VSTM4: variants seen among roughly 807,000 people sequenced by gnomAD.
VSTM4 encodes the protein V-set and transmembrane domain containing 4.
VSTM4 carries 20 observed loss-of-function variants against 36.4 expected under a neutral mutation model. That is an observed-to-expected ratio of 0.55 (90% CI 0.39 to 0.80). The LOEUF (loss-of-function observed/expected upper bound fraction) is 0.80. Among genes scored for constraint, VSTM4 ranks in the 30% least tolerant of loss-of-function variants. VSTM4 has a pLI of 0.00. For missense variants in VSTM4, 392 were observed against 404.5 expected (o/e 0.97, Z 0.26); for synonymous variants, 182 against 173.9 (o/e 1.05, Z -0.37).
chr10:49,038,282 A>G (rs1843464230), intron 7 of VSTM4, among the ~76,000 whole-genome samples: 1 of 152,244 alleles, frequency 6.6e-6, no homozygotes, highest in South Asian at 2.1e-4. Flanking sequence ...AGGCCTTAAG[A>G]AGAATGAAAA....
chr10:49,096,321 A>G (rs1463370601), intron 2 of VSTM4, among the ~76,000 whole-genome samples: 1 of 152,226 alleles, frequency 6.6e-6, no homozygotes, highest in African/African-American at 2.4e-5. Flanking sequence ...CTTTGCCCCC[A>G]CATACTTTTA....
Position 49,017,451 on chromosome 10 carries a change from G to A in VSTM4, c.*2199C>T, listed in dbSNP as rs1318040216. ...TTCATGCAGTGATGACCACAGTTTG[G>A]GAGAAAGAGGCTGGATTCAATCTAT... On this transcript the variant is annotated 3_prime_UTR_variant, in exon 8 of 8. Coordinates refer to ENST00000332853, the MANE Select transcript of VSTM4 (RefSeq NM_001031746.5). 1 of 152,244 alleles carries A rather than the reference G, an allele frequency of 6.6e-6. No individual in the cohort carries two copies. Among genetic ancestry groups the A allele is most frequent in the Non-Finnish European group, 1.5e-5 (1 of 68,054 alleles). The allele number at this position is 152,244 out of a possible 1,614,324, so 9.4% of individuals were successfully genotyped here. A position where few individuals can be genotyped will look rare whatever the true frequency, so the allele number is the denominator to read the frequency against.
chr10:49,100,685 C>A (rs1393235648), intron 2 of VSTM4, among the ~76,000 whole-genome samples: 1 of 151,956 alleles, frequency 6.6e-6, no homozygotes, highest in East Asian at 1.9e-4. Context: ...AACAAAGTAA[C>A]CTAAGAAGCC....
rs763815733 is a variant in VSTM4 at position 49,077,245 on chromosome 10, G to A, written c.608C>T (p.Ser203Phe). ...LLFMLVIVWQ[S>F]VFNKRKSRVR... ...TCTGGATTTCCGCTTGTTAAACACAGACTGCCAGACGATGACCAGCATGAA... is the reference window on the plus strand; with the variant it reads ...TCTGGATTTCCGCTTGTTAAACACAAACTGCCAGACGATGACCAGCATGAA... The change falls in exon 4 of 8, where the codon TCT becomes TTT. Residue 203 changes from serine to phenylalanine, a missense_variant. By Grantham distance (155) the Ser-to-Phe change is radical. Transcript: ENST00000332853. 1.2e-6 allele frequency: 2 copies of A among 1,614,102 alleles called. No individual in the cohort carries two copies.
At chr10:49,084,709 C>G (rs1844339169) in intron 3 of VSTM4, among the ~76,000 whole-genome samples, 1 of 152,250 alleles carries the variant, frequency 6.6e-6, no homozygotes, top group Admixed American at 6.5e-5. Flanking sequence ...TCCTGACCAC[C>G]TTTGAACATT....
intron 2 of VSTM4, among the ~76,000 whole-genome samples, chr10:49,105,859 CTT>C (rs1388567383): frequency 2.1e-5 from 3 of 145,080 alleles, no homozygotes; most frequent in East Asian, 1.9e-4. Context: ...ATATATATAT[CTT>C]GTGTGTATAT....
chr10:49,048,334 G>A, intron 6 of VSTM4, 144 bp downstream of exon 6: 2 of 695,590 alleles, frequency 2.9e-6, no homozygotes, highest in African/African-American at 1.9e-5. Flanking sequence ...AATCTAGGTG[G>A]GGGTCCAGAC....
intron 3 of VSTM4, among the ~76,000 whole-genome samples, chr10:49,085,113 G>C (rs1280932277): frequency 6.6e-6 from 1 of 152,236 alleles, no homozygotes; most frequent in African/African-American, 2.4e-5. Flanking sequence ...TTAAACCCCG[G>C]ATTTCTTGGG....
intron 7 of VSTM4, among the ~76,000 whole-genome samples, chr10:49,038,953 C>T (rs1590077225): frequency 6.6e-6 from 1 of 152,090 alleles, no homozygotes; most frequent in East Asian, 1.9e-4. Context: ...TAAAAGCAGT[C>T]AACCAGAGGG....
chr10:49,092,205 G>A (rs534165418), intron 2 of VSTM4, among the ~76,000 whole-genome samples: 2 of 152,184 alleles, frequency 1.3e-5, no homozygotes, highest in Non-Finnish European at 2.9e-5. Context: ...TTAAAACGAA[G>A]ACTCCCAGGC....
In VSTM4 at chr10:49,101,060, C is replaced by T. The variant is rs1010673848; in HGVS notation, c.457+6534G>A. On this transcript the variant is annotated intron_variant, in intron 2 of 7. Transcript: ENST00000332853. The stretch of plus-strand genomic sequence containing the variant: ...TAAAGGAGTAAAGCTTTCTTTTAAT[C>T]ATCTAAAAATATTAAAGAAAAATAT... Among the ~76,000 whole-genome samples the T allele has an allele frequency of 2.4e-4, 37 of 152,026 alleles. 1 individual carries two copies. The highest frequency in any genetic ancestry group is 5.2e-4 in the Admixed American group (8 of 15,276).
At chr10:49,027,632 A>G (rs1276946144) in intron 7 of VSTM4, among the ~76,000 whole-genome samples, 1 of 152,092 alleles carries the variant, frequency 6.6e-6, no homozygotes, top group Non-Finnish European at 1.5e-5. Context: ...CCTGGCAACC[A>G]CAGATCTGTC....
At chr10:49,082,177 C>A (rs770598910) in intron 3 of VSTM4, among the ~76,000 whole-genome samples, 1 of 152,210 alleles carries the variant, frequency 6.6e-6, no homozygotes, top group East Asian at 1.9e-4. Context: ...AATGCCCGCC[C>A]AGTGGTGCCA....
Position 49,056,762 on chromosome 10 carries a change from C to T in VSTM4, c.668+7941G>A, listed in dbSNP as rs78377062. 5.7e-3 allele frequency among the ~76,000 whole-genome samples: 872 copies of T among 152,378 alleles called. 2 individuals are homozygous for T. The highest frequency in any genetic ancestry group is 7.9e-3 in the Non-Finnish European group (536 of 68,040). On this transcript the variant is annotated intron_variant, in intron 5 of 7. Coordinates refer to ENST00000332853, the MANE Select transcript of VSTM4 (RefSeq NM_001031746.5). ...GTTAAGTGAGCTGCAAGATTCCTCC[C>T]TGGACAAGACATTCTGAGCCGTCTT... is the stretch of plus-strand genomic sequence containing the variant.
intron 1 of VSTM4, among the ~76,000 whole-genome samples, chr10:49,109,264 G>T (rs1046274417): frequency 6.6e-6 from 1 of 152,294 alleles, no homozygotes; most frequent in African/African-American, 2.4e-5. Flanking sequence ...GGGCAGTGCT[G>T]CAGGGAAGCA....
intron 7 of VSTM4, among the ~76,000 whole-genome samples, chr10:49,040,711 A>G (rs538959139): frequency 6.6e-6 from 1 of 152,362 alleles, no homozygotes; most frequent in East Asian, 1.9e-4. Context: ...CCCACTTGTT[A>G]ACGGCTTGGG....
At chr10:49,103,840 C>A (rs1376808993) in intron 2 of VSTM4, 1 of 1,614,076 alleles carries the variant, frequency 6.2e-7, no homozygotes. Flanking sequence ...GCTCCCCTCT[C>A]CACTGGATGG....
At chr10:49,061,712 G>A (rs1843881123) in intron 5 of VSTM4, among the ~76,000 whole-genome samples, 1 of 152,028 alleles carries the variant, frequency 6.6e-6, no homozygotes, top group Non-Finnish European at 1.5e-5. Context: ...TTATTTTATT[G>A]TTTGTGTGTT....
chr10:49,109,898 T>C (rs1375805727), intron 1 of VSTM4, among the ~76,000 whole-genome samples: 1 of 152,258 alleles, frequency 6.6e-6, no homozygotes, highest in Non-Finnish European at 1.5e-5. Context: ...GGCAGGCACC[T>C]GGCCCATGGG....
Sources: gnomAD v4.1 joint callset for allele counts (sites outside exome capture counted in the v4.1 genomes callset) on GRCh38, gnomAD v4.1.1 for gene constraint, MANE v1.5 for transcripts, NCBI Gene and HGNC (gene_info 2026-07-23, HGNC 2026-07-21) for gene names.